NCAPH: variants seen among roughly 807,000 people sequenced by gnomAD.
NCAPH encodes the protein non-SMC condensin I complex subunit H.
Under a neutral mutation model 85.5 loss-of-function variants are expected in NCAPH, and 38 were observed. The observed-to-expected ratio is 0.44, with a 90% CI of 0.34 to 0.58. The LOEUF is 0.58. Among genes scored for constraint, NCAPH ranks in the 20% least tolerant of loss-of-function variants. The probability of loss-of-function intolerance (pLI) is 0.01; values close to 1 mark genes in which losing one functional copy is unlikely to be tolerated. For synonymous variants in NCAPH, 301 were observed against 335.1 expected (o/e 0.90, Z 1.11); for missense variants, 789 against 916.6 (o/e 0.86, Z 1.80).
At chr2:96,335,930 C>T (rs576419711) in intron 1 of NCAPH, 82 bp downstream of exon 1, 1 of 1,311,254 alleles carries the variant, frequency 7.6e-7, no homozygotes, top group African/African-American at 1.6e-5. Flanking sequence ...GCGGGCTGGC[C>T]TGGGCGGGGA....
chr2:96,344,283 T>C (rs1573067647), intron 6 of NCAPH, 54 bp downstream of exon 6: 5 of 1,541,452 alleles, frequency 3.2e-6, no homozygotes, highest in Non-Finnish European at 3.5e-6. Flanking sequence ...CCTTAGGGGC[T>C]GAGACTTGGC....
chr2:96,359,396 T>G, intron 10 of NCAPH: 1 of 584,028 alleles, frequency 1.7e-6, no homozygotes, highest in South Asian at 2.1e-5. Context: ...AGCCTCTGAG[T>G]GAGGAGAGTG....
At chr2:96,369,333 A>T in intron 16 of NCAPH, 92 bp from the exon 17 acceptor site, 1 of 1,071,668 alleles carries the variant, frequency 9.3e-7, no homozygotes, top group South Asian at 1.3e-5. Context: ...TCATTAGTTT[A>T]GTCATTGCAT....
At chr2:96,360,500 C>A in intron 11 of NCAPH, 88 bp from the exon 12 acceptor site, 2 of 1,497,380 alleles carry the variant, frequency 1.3e-6, no homozygotes, top group South Asian at 1.2e-5. Context: ...TCATGCTGCC[C>A]AAACCCTTCC....
At chr2:96,340,570 T>C (rs938381394) in intron 1 of NCAPH, among the ~76,000 whole-genome samples, 1 of 152,002 alleles carries the variant, frequency 6.6e-6, no homozygotes, top group African/African-American at 2.4e-5. Context: ...TTTGTATTTT[T>C]AGTGGAGACG....
At chr2:96,342,636 G>A (rs1359365042) in intron 3 of NCAPH, 120 bp from the exon 4 acceptor site, 3 of 782,840 alleles carry the variant, frequency 3.8e-6, no homozygotes, top group South Asian at 3.4e-5. Flanking sequence ...TGGGAAGAGA[G>A]ATCAGTGACA....
Position 96,374,799 on chromosome 2 carries a change from TCTTG to T in NCAPH, c.*1452_*1455del, listed in dbSNP as rs113215770. Among the ~76,000 whole-genome samples the T allele has an allele frequency of 2.9e-4, 44 of 152,312 alleles. 1 individual carries two copies. The highest frequency in any genetic ancestry group is 1.0e-3 in the African/African-American group (43 of 41,562). On this transcript the variant is annotated 3_prime_UTR_variant, in exon 18 of 18. Transcript: ENST00000240423. The stretch of plus-strand genomic sequence containing the variant: ...TCCCAGGCCAGGTTAGTGCTGGGCT[TCTTG>T]CTTTCCTTCTATTCCTGAGAGTAGA...
At chr2:96,373,019 C>G (rs545685891) in intron 17 of NCAPH, among the ~76,000 whole-genome samples, 2 of 152,184 alleles carry the variant, frequency 1.3e-5, no homozygotes, top group Non-Finnish European at 2.9e-5. Flanking sequence ...TCAGGGCAGA[C>G]GGCTCAGCTC....
Position 96,360,249 on chromosome 2 carries a change from G to A in NCAPH, c.1464G>A (p.Lys488=). 7.1e-7 allele frequency: 1 copy of A among 1,410,726 alleles called. No individual in the cohort carries two copies. The highest frequency in any genetic ancestry group is 1.0e-6 in the Non-Finnish European group (1 of 1,004,386). 87.4% of individuals were successfully genotyped at this position (1,410,726 alleles called of 1,614,324 possible). A position where few individuals can be genotyped will look rare whatever the true frequency, so the allele number is the denominator to read the frequency against. ...TTGATGTATATTTTAGAAAAACAAA[G>A]GTTTGTACTGAATTTATTAGGATTG... is the stretch of plus-strand genomic sequence containing the variant. ...IDFDVYFRKT[K]AATILTKSTL... is the part of the protein sequence containing the mutation. The change falls in exon 11 of 18, where the codon AAG becomes AAA. Residue 488 remains lysine (K), a splice_region_variant and synonymous_variant. Coordinates refer to ENST00000240423, the MANE Select transcript of NCAPH (RefSeq NM_015341.5).
intron 13 of NCAPH, among the ~76,000 whole-genome samples, chr2:96,365,570 A>G (rs1309296956): frequency 6.6e-6 from 1 of 152,114 alleles, no homozygotes; most frequent in Non-Finnish European, 1.5e-5. Context: ...TATTTGAGGA[A>G]TGTTTCTGTA....
At chr2:96,347,183 G>A (rs1342248915) in intron 6 of NCAPH, among the ~76,000 whole-genome samples, 5 of 152,000 alleles carry the variant, frequency 3.3e-5, no homozygotes, top group African/African-American at 9.7e-5. Context: ...CTGGTTTGAC[G>A]GCTGTGAAGA....
intron 7 of NCAPH, among the ~76,000 whole-genome samples, 164 bp from the exon 8 acceptor site, chr2:96,353,142 G>C (rs1432457644): frequency 6.6e-6 from 1 of 152,258 alleles, no homozygotes; most frequent in Non-Finnish European, 1.5e-5. Context: ...CAGGGACACA[G>C]ACTGGCAGCT....
At position 96,367,240 on chromosome 2, in the gene NCAPH, T is replaced by C. The variant is rs1451089368; in HGVS notation, c.1882-17T>C. On this transcript the variant is annotated splice_polypyrimidine_tract_variant and intron_variant, in intron 14 of 17. Transcript: ENST00000240423. ...CTTTATTCTGCTTAGTTTTACTTTG[T>C]CATATACCTATTTCAGGTAAATAAA... The C allele has an allele frequency of 6.5e-7, 1 of 1,548,684 alleles. No individual in the cohort carries two copies. Among genetic ancestry groups the C allele is most frequent in the Admixed American group, 1.7e-5 (1 of 59,756 alleles).
intron 6 of NCAPH, 147 bp downstream of exon 6, chr2:96,344,376 CT>C: frequency 1.1e-6 from 1 of 877,820 alleles, no homozygotes; most frequent in Non-Finnish European, 1.6e-6. Flanking sequence ...GCATTATCAT[CT>C]TTTAGCTTGA....
rs767251764 is a variant in NCAPH at position 96,366,078 on chromosome 2, G to A, written c.1881+20G>A. The stretch of plus-strand genomic sequence containing the variant: ...CAGAAGGTACGGATGAAACAGCTGA[G>A]AATTACATTGTTTGCCTGAAATCTA... On this transcript the variant is annotated intron_variant, in intron 14 of 17. Transcript: ENST00000240423. 1.4e-5 allele frequency: 23 copies of A among 1,610,354 alleles called. 1 individual carries two copies. The South Asian group carries it at 2.3e-4, about 16-fold the overall frequency.
intron 17 of NCAPH, among the ~76,000 whole-genome samples, chr2:96,371,955 G>T (rs921436469): frequency 6.6e-6 from 1 of 152,214 alleles, no homozygotes; most frequent in Admixed American, 6.5e-5. Flanking sequence ...AGTGATGGAC[G>T]TGAGGCCCTC....
chr2:96,354,129 G>A (rs2064488091), intron 8 of NCAPH, 54 bp from the exon 9 acceptor site: 2 of 1,546,876 alleles, frequency 1.3e-6, no homozygotes, highest in Admixed American at 3.4e-5. Flanking sequence ...CTCCAGTGGT[G>A]ATTTGGGGTG....
Position 96,341,940 on chromosome 2 carries a change from A to G in NCAPH, c.272+46A>G, listed in dbSNP as rs771625041. 4.4e-6 allele frequency: 7 copies of G among 1,605,050 alleles called. No homozygotes were observed. In the East Asian group the frequency reaches 1.3e-4, roughly 31 times the overall value. On this transcript the variant is annotated intron_variant, in intron 2 of 17. Transcript: ENST00000240423. ...TTCTCCTTGAGGCAGCCGCCTTGATATGGGCTGCGTAGGTCCAGGCATCTC... is the reference window on the plus strand; with the variant it reads ...TTCTCCTTGAGGCAGCCGCCTTGATGTGGGCTGCGTAGGTCCAGGCATCTC...
chr2:96,359,298 T>C (rs1332293168), intron 10 of NCAPH, 105 bp downstream of exon 10: 28 of 1,417,540 alleles, frequency 2.0e-5, no homozygotes, highest in Non-Finnish European at 1.1e-5. Context: ...CTGTTGTGTC[T>C]CTTAATAAGC....
Sources: gnomAD v4.1 joint callset for allele counts (sites outside exome capture counted in the v4.1 genomes callset) on GRCh38, gnomAD v4.1.1 for gene constraint, MANE v1.5 for transcripts, NCBI Gene and HGNC (gene_info 2026-07-23, HGNC 2026-07-21) for gene names.